The following KHDRBS3 variants were observed in gnomAD, a reference collection of about 807,000 sequenced individuals.
KHDRBS3 encodes the protein KH RNA binding domain containing, signal transduction associated 3, also known as KH domain-containing, RNA-binding, signal transduction-associated protein 3.
KHDRBS3 carries 23 observed loss-of-function variants against 45.6 expected under a neutral mutation model. The observed-to-expected ratio is 0.50, with a 90% CI of 0.36 to 0.72. KHDRBS3 has a LOEUF of 0.72. KHDRBS3 is among the 30% of genes least tolerant of loss of function. The pLI is 0.00. For synonymous variants in KHDRBS3, 162 were observed against 156.5 expected (o/e 1.04, Z -0.26); for missense variants, 352 against 424.8 (o/e 0.83, Z 1.51).
chr8:135,649,837 T>C (rs1403160406), downstream of KHDRBS3, among the ~76,000 whole-genome samples: 1 of 152,216 alleles, frequency 6.6e-6, no homozygotes, highest in Non-Finnish European at 1.5e-5. Flanking sequence ...ATTGTCATTT[T>C]TTCAAAGCTT....
chr8:135,565,680 G>T (rs1049223759), intron 5 of KHDRBS3, among the ~76,000 whole-genome samples: 1 of 152,034 alleles, frequency 6.6e-6, no homozygotes, highest in African/African-American at 2.4e-5. Flanking sequence ...CCTATCTCTG[G>T]CTCTCTTCCT....
chr8:135,571,811 G>A (rs1368850832), intron 5 of KHDRBS3, among the ~76,000 whole-genome samples: 1 of 152,104 alleles, frequency 6.6e-6, no homozygotes, highest in Non-Finnish European at 1.5e-5. Context: ...TCACTGTGTG[G>A]CCTTGGGGAG....
At chr8:135,586,328 CA>C (rs35518629) in intron 6 of KHDRBS3, among the ~76,000 whole-genome samples, 112,100 of 149,380 alleles carry the variant, frequency 0.75, 42,000 homozygotes, top group East Asian at 0.96. Flanking sequence ...AAAACAAAAC[CA>C]AAAAAAAAAA....
intron 6 of KHDRBS3, among the ~76,000 whole-genome samples, chr8:135,592,767 A>G (rs1378105160): frequency 1.3e-5 from 2 of 152,032 alleles, no homozygotes; most frequent in African/African-American, 4.8e-5. Context: ...CTCTGGTTAT[A>G]TAGCATCTTC....
intron 1 of KHDRBS3, among the ~76,000 whole-genome samples, chr8:135,506,724 CAGTT>C (rs146184577): frequency 0.1 from 15,667 of 152,076 alleles, 875 homozygotes; most frequent in East Asian, 0.18. Context: ...ATTTTAAAGA[CAGTT>C]AGTTCCATCC....
intron 7 of KHDRBS3, among the ~76,000 whole-genome samples, chr8:135,642,454 C>A (rs745576405): frequency 6.6e-6 from 1 of 152,158 alleles, no homozygotes. Context: ...CTCTCACACT[C>A]GTTTTTCTTC....
intron 2 of KHDRBS3, among the ~76,000 whole-genome samples, chr8:135,528,756 G>T (rs1004678707): frequency 2.6e-5 from 4 of 152,162 alleles, no homozygotes; most frequent in African/African-American, 9.7e-5. Context: ...TGTGTGGTGG[G>T]GGCCCTCTTG....
At chr8:135,579,692 C>T (rs937532340) in intron 5 of KHDRBS3, among the ~76,000 whole-genome samples, 1 of 152,166 alleles carries the variant, frequency 6.6e-6, no homozygotes, top group Non-Finnish European at 1.5e-5. Context: ...ATGAATGTCG[C>T]CATTGGCCGC....
At chr8:135,568,737 G>A (rs1467535163) in intron 5 of KHDRBS3, among the ~76,000 whole-genome samples, 1 of 152,132 alleles carries the variant, frequency 6.6e-6, no homozygotes, top group Non-Finnish European at 1.5e-5. Flanking sequence ...ATGGAAACCT[G>A]TTTCTTAAAA....
At chr8:135,630,859 A>G (rs927555470) in intron 7 of KHDRBS3, among the ~76,000 whole-genome samples, 14 of 152,308 alleles carry the variant, frequency 9.2e-5, no homozygotes, top group African/African-American at 3.1e-4. Context: ...TGAGTGAGTG[A>G]GTGGGTGGTG....
At chr8:135,559,321 A>G (rs1563768055) in intron 5 of KHDRBS3, among the ~76,000 whole-genome samples, 1 of 152,140 alleles carries the variant, frequency 6.6e-6, no homozygotes. Context: ...TTTACAAGCC[A>G]AATACAACAA....
intron 7 of KHDRBS3, among the ~76,000 whole-genome samples, chr8:135,608,055 T>TA (rs1586796964): frequency 6.6e-6 from 1 of 152,318 alleles, no homozygotes; most frequent in East Asian, 1.9e-4. Flanking sequence ...ACCTAACACT[T>TA]ACGGAGCCCA....
intron 6 of KHDRBS3, among the ~76,000 whole-genome samples, chr8:135,604,953 T>C (rs1211826405): frequency 2.6e-5 from 4 of 151,744 alleles, no homozygotes; most frequent in Non-Finnish European, 5.9e-5. Flanking sequence ...AACTTGTTAA[T>C]ATGGCTTCCT....
At chr8:135,594,179 G>A (rs1392478550) in intron 6 of KHDRBS3, among the ~76,000 whole-genome samples, 1 of 152,186 alleles carries the variant, frequency 6.6e-6, no homozygotes, top group Non-Finnish European at 1.5e-5. Flanking sequence ...GACTATAGTG[G>A]TTAAAAGTAA....
chr8:135,527,117 G>A (rs563843092), intron 2 of KHDRBS3, among the ~76,000 whole-genome samples: 17 of 152,182 alleles, frequency 1.1e-4, no homozygotes, highest in African/African-American at 3.1e-4. Flanking sequence ...CAGTGGATCC[G>A]GCTCTGTCTA....
chr8:135,568,198 A>G (rs1013318011), intron 5 of KHDRBS3, among the ~76,000 whole-genome samples: 5 of 152,202 alleles, frequency 3.3e-5, no homozygotes, highest in African/African-American at 1.2e-4. Flanking sequence ...TCTGGATATT[A>G]TATATTTTCT....
At chr8:135,461,358 C>T (rs1438438594) in intron 1 of KHDRBS3, among the ~76,000 whole-genome samples, 1 of 152,208 alleles carries the variant, frequency 6.6e-6, no homozygotes, top group Non-Finnish European at 1.5e-5. Context: ...CTGCCTCAGC[C>T]TCCCAAAGTG....
chr8:135,590,067 A>G (rs986246008), intron 6 of KHDRBS3, among the ~76,000 whole-genome samples: 1 of 152,222 alleles, frequency 6.6e-6, no homozygotes, highest in South Asian at 2.1e-4. Context: ...CGATTTCATC[A>G]TTGTGTGAAC....
At chr8:135,590,304 G>A (rs1343761586) in intron 6 of KHDRBS3, among the ~76,000 whole-genome samples, 3 of 152,186 alleles carry the variant, frequency 2.0e-5, no homozygotes, top group Admixed American at 6.5e-5. Context: ...GGTCCATAGT[G>A]ACCAAAATGT....
Sources: allele counts gnomAD v4.1 joint callset (sites outside exome capture counted in the v4.1 genomes callset), GRCh38; gene constraint gnomAD v4.1.1; transcripts MANE v1.5; gene names NCBI Gene and HGNC (gene_info 2026-07-23, HGNC 2026-07-21).